The following MGAM2 variants were observed in gnomAD, a reference collection of about 807,000 sequenced individuals.
MGAM2 encodes the protein maltase-glucoamylase 2 (putative).
Under a neutral mutation model 96.1 loss-of-function variants are expected in MGAM2, and 98 were observed. The ratio of observed to expected loss-of-function variants is 1.02; its 90% CI spans 0.87 to 1.21. The LOEUF (loss-of-function observed/expected upper bound fraction) is 1.21, where lower values mean the gene tolerates loss of function less well. Among genes scored for constraint, MGAM2 ranks in the 50% most tolerant of loss-of-function variants. The pLI is 0.00. For missense variants in MGAM2, 2,055 were observed against 1,182.4 expected, an observed-to-expected ratio of 1.74 and a Z score of -10.82; for synonymous variants, 749 against 414.8, an observed-to-expected ratio of 1.81 and a Z score of -9.79.
chr7:142,217,019 C>T (rs1389979551), intron 46 of MGAM2, among the ~76,000 whole-genome samples: 1 of 152,174 alleles, frequency 6.6e-6, no homozygotes, highest in Non-Finnish European at 1.5e-5. Context: ...TTTCCTGTCT[C>T]ATAATAAATC....
chr7:142,150,140 C>G (rs538573752), intron 15 of MGAM2, among the ~76,000 whole-genome samples: 1 of 151,954 alleles, frequency 6.6e-6, no homozygotes, highest in Admixed American at 6.6e-5. Context: ...GGGGTTTCTC[C>G]ATGTTGGTCA....
intron 19 of MGAM2, 67 bp from the exon 20 acceptor site, chr7:142,159,220 C>T (rs1358266190): frequency 1.4e-6 from 1 of 692,286 alleles, no homozygotes; most frequent in Non-Finnish European, 2.6e-6. Context: ...TGTAATGATG[C>T]CTGGAGGTGT....
At chr7:142,161,072 A>G in intron 21 of MGAM2, 53 bp from the exon 22 acceptor site, 1 of 697,620 alleles carries the variant, frequency 1.4e-6, no homozygotes, top group Non-Finnish European at 2.6e-6. Context: ...GGCTGGTTTC[A>G]CATAGTTCCA....
chr7:142,178,400 C>T (rs968138855), intron 32 of MGAM2, among the ~76,000 whole-genome samples: 5 of 152,080 alleles, frequency 3.3e-5, no homozygotes, highest in Admixed American at 2.0e-4. Flanking sequence ...ATTGCAATTG[C>T]TTTTGAGGAC....
intron 17 of MGAM2, 46 bp from the exon 18 acceptor site, chr7:142,157,891 C>T (rs1251832284): frequency 1.6e-5 from 11 of 696,052 alleles, no homozygotes; most frequent in Non-Finnish European, 2.9e-5. Flanking sequence ...AACTTCTGAA[C>T]TATGATGGAA....
intron 7 of MGAM2, among the ~76,000 whole-genome samples, chr7:142,135,867 A>C (rs554507832): frequency 2.0e-5 from 3 of 152,096 alleles, no homozygotes; most frequent in Non-Finnish European, 4.4e-5. Context: ...ATTATATGGT[A>C]ACTACAGAAA....
At chr7:142,208,044 A>T (rs1797463117) in intron 45 of MGAM2, among the ~76,000 whole-genome samples, 1 of 152,182 alleles carries the variant, frequency 6.6e-6, no homozygotes, top group African/African-American at 2.4e-5. Context: ...GCCGAACATT[A>T]TGTACCTTAT....
intron 1 of MGAM2, among the ~76,000 whole-genome samples, chr7:142,112,294 A>G (rs1817199441): frequency 6.6e-6 from 1 of 152,032 alleles, no homozygotes; most frequent in African/African-American, 2.4e-5. Flanking sequence ...AGGCAGGAAA[A>G]TACCCAGGGT....
chr7:142,199,631 A>G (rs560490551), intron 44 of MGAM2, among the ~76,000 whole-genome samples: 22 of 152,294 alleles, frequency 1.4e-4, no homozygotes, highest in African/African-American at 5.3e-4. Flanking sequence ...ATATTTCATT[A>G]TATTACTTGT....
chr7:142,170,901 G>T (rs1394198552), intron 27 of MGAM2, among the ~76,000 whole-genome samples: 1 of 152,166 alleles, frequency 6.6e-6, no homozygotes, highest in Non-Finnish European at 1.5e-5. Flanking sequence ...AAGAGAAGTT[G>T]TTCTAAGAGT....
At chr7:142,217,808 A>T (rs2961055) in intron 46 of MGAM2, among the ~76,000 whole-genome samples, 115,583 of 152,154 alleles carry the variant, frequency 0.76, 44,318 homozygotes, top group African/African-American at 0.87. Flanking sequence ...GAATGTGGCT[A>T]GGTGTGGTGG....
chr7:142,187,772 T>C lies in MGAM2; in HGVS notation c.4145T>C (p.Phe1382Ser). 1 of 702,772 alleles carries C rather than the reference T, an allele frequency of 1.4e-6. No homozygotes were observed. The highest frequency in any genetic ancestry group is 2.6e-6 in the Non-Finnish European group (1 of 384,826). The allele number at this position is 702,772 out of a possible 1,614,324, so 43.5% of individuals were successfully genotyped here. A position where few individuals can be genotyped will look rare whatever the true frequency, so the allele number is the denominator to read the frequency against. ...CAGGATATGAATGAGCCATCAAATT[T>C]TGTGGATGGATCTGTCAGGGGCTGC... is the stretch of plus-strand genomic sequence containing the variant. ...LWIDMNEPSN[F>S]VDGSVRGCSN... is the part of the protein sequence containing the mutation. The change falls in exon 36 of 48, where the codon TTT becomes TCT. Residue 1382 changes from phenylalanine to serine, a missense_variant. Transcript: ENST00000477922.
At chr7:142,166,518 C>G (rs1449420616) in intron 25 of MGAM2, among the ~76,000 whole-genome samples, 1 of 152,154 alleles carries the variant, frequency 6.6e-6, no homozygotes, top group Non-Finnish European at 1.5e-5. Context: ...TATGCATTGT[C>G]TATTTTAACC....
intron 10 of MGAM2, among the ~76,000 whole-genome samples, chr7:142,139,815 A>C (rs941616682): frequency 6.6e-6 from 1 of 152,004 alleles, no homozygotes; most frequent in African/African-American, 2.4e-5. Context: ...AAAAAAAAAA[A>C]CAGATGGTCA....
At chr7:142,146,648 G>T (rs1229642417) in intron 14 of MGAM2, among the ~76,000 whole-genome samples, 1 of 152,092 alleles carries the variant, frequency 6.6e-6, no homozygotes, top group African/African-American at 2.4e-5. Flanking sequence ...AAGGGAAAAT[G>T]CAAACAATAA....
intron 26 of MGAM2, 84 bp from the exon 27 acceptor site, chr7:142,169,991 C>T: frequency 1.6e-6 from 1 of 613,066 alleles, no homozygotes. Context: ...TGGTCAAAAA[C>T]ATGGAAACTG....
rs1795664506 is a variant in MGAM2 at position 142,154,089 on chromosome 7, A to T, written c.1706A>T (p.Lys569Ile). ...CGTTCTACTTTTGCTGGATCTGGCA[A>T]ATTTGCTGCTCATTGGCTGGGGGAC... ...LSRSTFAGSG[K>I]FAAHWLGDNA... Residue 569 changes from lysine (K) to isoleucine (I), a missense_variant, in exon 16 of 48, where the codon AAA (lysine) becomes ATA (isoleucine). By Grantham distance (102) the Lys-to-Ile change is moderately radical (BLOSUM62 -3). Transcript: ENST00000477922. 1 of 695,900 alleles carries T rather than the reference A, an allele frequency of 1.4e-6. No individual in the cohort carries two copies. The highest frequency in any genetic ancestry group is 2.6e-6 in the Non-Finnish European group (1 of 380,004). The allele number at this position is 695,900 out of a possible 1,614,324, so 43.1% of individuals were successfully genotyped here. A position where few individuals can be genotyped will look rare whatever the true frequency, so the allele number is the denominator to read the frequency against.
At chr7:142,190,651 G>A (rs757737141) in intron 37 of MGAM2, among the ~76,000 whole-genome samples, 22 of 152,016 alleles carry the variant, frequency 1.4e-4, no homozygotes, top group Non-Finnish European at 2.5e-4. Context: ...GCCAACACTC[G>A]GTGGTATTCA....
At chr7:142,116,466 TTC>T (rs1563243969) in intron 1 of MGAM2, among the ~76,000 whole-genome samples, 1 of 152,192 alleles carries the variant, frequency 6.6e-6, no homozygotes, top group Non-Finnish European at 1.5e-5. Flanking sequence ...TTTTGCTACT[TTC>T]TCTCTCCCTG....
Sources: allele counts gnomAD v4.1 joint callset (sites outside exome capture counted in the v4.1 genomes callset), GRCh38; gene constraint gnomAD v4.1.1; transcripts MANE v1.5; gene names NCBI Gene and HGNC (gene_info 2026-07-23, HGNC 2026-07-21).